The following ANKRD16 variants were observed in gnomAD, a reference collection of about 807,000 sequenced individuals.
ANKRD16 encodes the protein ankyrin repeat domain 16.
ANKRD16 carries 35 observed loss-of-function variants against 37.9 expected under a neutral mutation model. That is an observed-to-expected ratio of 0.92 (90% confidence interval 0.71 to 1.23). ANKRD16 has a LOEUF of 1.23. Among genes scored for constraint, ANKRD16 ranks in the 50% most tolerant of loss-of-function variants. The probability of loss-of-function intolerance (pLI) is 0.00; values close to 1 mark genes in which losing one functional copy is unlikely to be tolerated. For missense variants in ANKRD16, 480 were observed against 469.9 expected (o/e 1.02, Z -0.20); for synonymous variants, 206 against 197.2 (o/e 1.04, Z -0.37).
At position 5,870,335 on chromosome 10, in the gene ANKRD16, G is replaced by A. The variant is rs758712228; in HGVS notation, c.*34-7644C>T. ...AGTGCACCCGCACAGTGAGGTCAGC[G>A]TTGGCTCTTGGCCTCTCTTCCCTGC... On this transcript the variant is annotated intron_variant, in intron 7 of 7. Coordinates refer to ENST00000380094, the MANE Select transcript of ANKRD16 (RefSeq NM_019046.3). This position sits in a 1 kb window ranked among gnomAD's most constrained non-coding sequence, Gnocchi z 5.0. 5.9e-5 allele frequency among the ~76,000 whole-genome samples: 9 copies of A among 151,632 alleles called. No homozygotes were observed. The highest frequency in any genetic ancestry group is 1.2e-4 in the African/African-American group (5 of 41,238).
At chr10:5,867,707 G>C (rs1470945083) in intron 7 of ANKRD16, among the ~76,000 whole-genome samples, 2 of 152,114 alleles carry the variant, frequency 1.3e-5, no homozygotes, top group Non-Finnish European at 2.9e-5. Context: ...CCTACTTATA[G>C]GGTTAGGAAT....
In ANKRD16 at chr10:5,887,853, T is replaced by C. The variant is rs775860380; in HGVS notation, c.529A>G (p.Thr177Ala). The stretch of plus-strand genomic sequence containing the variant: ...GCAGAGCTGTAGGCTGTACCTGCAG[T>C]ATGCAGAGGAGTCCTTCTAATTTTG... ...ESKIRRTPLH[T>A]AAMHGHLEAV... Residue 177 changes from threonine (T) to alanine (A), a missense_variant, in exon 2 of 8, where the codon ACT becomes GCT. Transcript: ENST00000380094. 6.2e-7 allele frequency: 1 copy of C among 1,613,180 alleles called. No individual in the cohort carries two copies. The highest frequency in any genetic ancestry group is 1.7e-5 in the Admixed American group (1 of 59,998).
chr10:5,889,887 C>G lies in ANKRD16; in HGVS notation c.-533G>C, dbSNP rs867043211. 32 of 161,884 alleles carry G rather than the reference C, an allele frequency of 2.0e-4. No individual in the cohort carries two copies. The highest frequency in any genetic ancestry group is 7.4e-4 in the African/African-American group (31 of 41,874). The allele number at this position is 161,884 out of a possible 1,614,324, so 10.0% of individuals were successfully genotyped here. ...ACCTGCCCCGCACGCGTCCTCAGGG[C>G]CGCCCCAGCCTCCAGCCCCTGGGGG... On this transcript the variant is annotated 5_prime_UTR_variant, in exon 1 of 8. Transcript: ENST00000380094.
chr10:5,862,723 T>G lies in ANKRD16; in HGVS notation c.*34-32A>C. ...AGAAAGAGTTATTATCATCTCAGTT[T>G]ACAGATGAAACAGAAGCTCAGAGAG... On this transcript the variant is annotated intron_variant, in intron 7 of 7. Coordinates refer to ENST00000380094, the MANE Select transcript of ANKRD16 (RefSeq NM_019046.3). The surrounding 1 kb of genome is among the most constrained non-coding windows in gnomAD (Gnocchi z 6.5). 7.9e-7 allele frequency: 1 copy of G among 1,273,290 alleles called. No individual in the cohort carries two copies. Among genetic ancestry groups the G allele is most frequent in the Non-Finnish European group, 1.0e-6 (1 of 973,998 alleles). 78.9% of individuals were successfully genotyped at this position (1,273,290 alleles called of 1,614,324 possible).
rs2131753295 is a variant in ANKRD16, at chr10:5,866,954, G to A, written c.*34-4263C>T. Among the ~76,000 whole-genome samples, 1 of 152,134 alleles carries A rather than the reference G, an allele frequency of 6.6e-6. No homozygotes were observed. The highest frequency in any genetic ancestry group is 2.4e-5 in the African/African-American group (1 of 41,490). On this transcript the variant is annotated intron_variant, in intron 7 of 7. Coordinates refer to ENST00000380094, the MANE Select transcript of ANKRD16 (RefSeq NM_019046.3). The surrounding 1 kb of genome is among the most constrained non-coding windows in gnomAD (Gnocchi z 4.3). The stretch of plus-strand genomic sequence containing the variant: ...AAAGAAAGAGAGGGAGAGACAAAGA[G>A]GGAGTCAGAAGGAGAGAGAAAGACA...
At chr10:5,876,973 AAATGTC>A (rs1396386414) in intron 7 of ANKRD16, among the ~76,000 whole-genome samples, 1 of 152,234 alleles carries the variant, frequency 6.6e-6, no homozygotes, top group Non-Finnish European at 1.5e-5. Context: ...TTTTAAAGCT[AAATGTC>A]AAGTGTTTCA....
chr10:5,879,999 A>G (rs1385754525), intron 6 of ANKRD16, among the ~76,000 whole-genome samples: 1 of 151,982 alleles, frequency 6.6e-6, no homozygotes, highest in African/African-American at 2.4e-5. Context: ...TCTGTACTAA[A>G]AATACAAAAA....
chr10:5,865,180 AATC>A lies in ANKRD16; in HGVS notation c.*34-2492_*34-2490del, dbSNP rs1841995428. The stretch of plus-strand genomic sequence containing the variant: ...GAGAGCACAGAAAATGGAGCAGGCC[AATC>A]ACCTGGTAGGGCTTGTTACCAGTGT... On this transcript the variant is annotated intron_variant, in intron 7 of 7. Coordinates refer to ENST00000380094, the MANE Select transcript of ANKRD16 (RefSeq NM_019046.3). The surrounding 1 kb of genome is among the most constrained non-coding windows in gnomAD (Gnocchi z 4.7). Among the ~76,000 whole-genome samples the A allele has an allele frequency of 6.6e-6, 1 of 152,240 alleles. No individual in the cohort carries two copies. Among genetic ancestry groups the A allele is most frequent in the Non-Finnish European group, 1.5e-5 (1 of 68,036 alleles).
At chr10:5,877,896 C>T (rs2985042) in intron 7 of ANKRD16, among the ~76,000 whole-genome samples, 125,690 of 152,164 alleles carry the variant, frequency 0.83, 52,312 homozygotes, top group Admixed American at 0.87. Context: ...ATATGGACTA[C>T]GGGAAGATTA....
Position 5,880,148 on chromosome 10 carries a change from A to T in ANKRD16, c.928+150T>A, listed in dbSNP as rs552428129. 30 of 421,692 alleles carry T rather than the reference A, an allele frequency of 7.1e-5. No homozygotes were observed. In the South Asian group the frequency reaches 1.1e-3, roughly 16 times the overall value. 26.1% of individuals were successfully genotyped at this position (421,692 alleles called of 1,614,324 possible). A position where few individuals can be genotyped will look rare whatever the true frequency, so the allele number is the denominator to read the frequency against. On this transcript the variant is annotated intron_variant, in intron 6 of 7. Transcript: ENST00000380094. ...GCACTCCAGCCTGGGCAACAGAGGG[A>T]AACTCTTGTCTCAACACCACCACCA...
At chr10:5,885,626 T>C in intron 3 of ANKRD16, 97 bp downstream of exon 3, 1 of 1,353,524 alleles carries the variant, frequency 7.4e-7, no homozygotes, top group Non-Finnish European at 1.0e-6. Flanking sequence ...GCCTAATTTT[T>C]TTCTTAAAAA....
At chr10:5,888,148 A>C (rs776872410) in intron 1 of ANKRD16, 81 bp from the exon 2 acceptor site, 16 of 1,280,326 alleles carry the variant, frequency 1.2e-5, no homozygotes, top group East Asian at 2.3e-5. Flanking sequence ...AAACACACAC[A>C]TCCTTGGCAC....
chr10:5,880,643 G>A (rs1490459574), intron 5 of ANKRD16, among the ~76,000 whole-genome samples: 1 of 151,454 alleles, frequency 6.6e-6, no homozygotes, highest in African/African-American at 2.5e-5. Context: ...GCAGGGGGGG[G>A]ATTAGGCAAT....
At chr10:5,888,244 G>A (rs1160811093) in intron 1 of ANKRD16, among the ~76,000 whole-genome samples, 177 bp from the exon 2 acceptor site, 3 of 152,194 alleles carry the variant, frequency 2.0e-5, no homozygotes, top group East Asian at 1.9e-4. Context: ...TGAGGACCCT[G>A]GGAGAAATAA....
rs775657510 is a variant in ANKRD16 at position 5,883,013 on chromosome 10, G to T, written c.842C>A (p.Ala281Glu). 1 of 1,613,390 alleles carries T rather than the reference G, an allele frequency of 6.2e-7. No individual in the cohort carries two copies. The highest frequency in any genetic ancestry group is 1.1e-5 in the South Asian group (1 of 91,080). ...TSTHLTALHY[A>E]AKEGHTSTIQ... is the part of the protein sequence containing the mutation. ...TTATAAGAAGTAACAAACCTTAGCTGCATAATGAAGTGCTGTGAGGTGGGT... is the reference window on the plus strand; with the variant it reads ...TTATAAGAAGTAACAAACCTTAGCTTCATAATGAAGTGCTGTGAGGTGGGT... The change falls in exon 5 of 8, where the codon GCA (alanine) becomes GAA (glutamate). Residue 281 changes from alanine to glutamate, a missense_variant. By Grantham distance (107) the Ala-to-Glu change is moderately radical. Transcript: ENST00000380094.
chr10:5,877,294 G>A (rs889897043), intron 7 of ANKRD16, among the ~76,000 whole-genome samples: 1 of 152,132 alleles, frequency 6.6e-6, no homozygotes, highest in Non-Finnish European at 1.5e-5. Flanking sequence ...TGTATTTTTA[G>A]TAGAGATGAG....
At chr10:5,877,091 A>C (rs1842196896) in intron 7 of ANKRD16, among the ~76,000 whole-genome samples, 1 of 149,384 alleles carries the variant, frequency 6.7e-6, no homozygotes, top group African/African-American at 2.5e-5. Flanking sequence ...GAAGTTTTGT[A>C]AATATCTTAG....
Position 5,868,753 on chromosome 10 carries a change from G to A in ANKRD16, c.*34-6062C>T, listed in dbSNP as rs766092990. On this transcript the variant is annotated intron_variant, in intron 7 of 7. Transcript: ENST00000380094. This position sits in a 1 kb window ranked among gnomAD's most constrained non-coding sequence, Gnocchi z 4.9. ...TGGGCCCACGCCACCCTTAAGAGCT[G>A]TAACATTCACTGCGAGGGTCTGCGG... Among the ~76,000 whole-genome samples the A allele has an allele frequency of 6.6e-6, 1 of 152,200 alleles. No individual in the cohort carries two copies. The highest frequency in any genetic ancestry group is 1.5e-5 in the Non-Finnish European group (1 of 68,034).
intron 7 of ANKRD16, among the ~76,000 whole-genome samples, chr10:5,875,638 T>A (rs577974602): frequency 2.6e-5 from 4 of 152,192 alleles, no homozygotes; most frequent in Admixed American, 2.6e-4. Flanking sequence ...GCCAGAGCAT[T>A]CTTCATATAT....
Sources: gnomAD v4.1 joint callset for allele counts (sites outside exome capture counted in the v4.1 genomes callset) on GRCh38, gnomAD v4.1.1 for gene constraint, Gnocchi (gnomAD v3.1) non-coding constraint, MANE v1.5 for transcripts, NCBI Gene and HGNC (gene_info 2026-07-23, HGNC 2026-07-21) for gene names.